Variants in TMEM178B observed in about 807,000 individuals in gnomAD.
TMEM178B encodes transmembrane protein 178B.
Under a neutral mutation model 31.0 loss-of-function variants are expected in TMEM178B, and 5 were observed. That is an observed-to-expected ratio of 0.16 (90% CI 0.08 to 0.34). TMEM178B has a LOEUF of 0.34. Ranked by LOEUF, TMEM178B falls within the 10% of genes least tolerant of loss-of-function variation. TMEM178B has a pLI of 1.00. For synonymous variants in TMEM178B, 164 were observed against 164.0 expected, an observed-to-expected ratio of 1.00 and a Z score of 0.00; for missense variants, 275 against 400.3, an observed-to-expected ratio of 0.69 and a Z score of 2.67.
At chr7:141,467,845 A>G (rs1293362169) in intron 3 of TMEM178B, among the ~76,000 whole-genome samples, 2 of 152,162 alleles carry the variant, frequency 1.3e-5, no homozygotes, top group Admixed American at 6.5e-5. Flanking sequence ...AAGTGAAATT[A>G]CTAGGACGAA....
the TMEM178B span, among the ~76,000 whole-genome samples, chr7:141,492,782 T>C: frequency 6.6e-6 from 1 of 152,122 alleles, no homozygotes; most frequent in African/African-American, 2.4e-5. Flanking sequence ...CAAACCCCAT[T>C]CCTGACTCCT....
chr7:141,474,261 T>TA lies in TMEM178B; in HGVS notation c.*3476dup, dbSNP rs1802315536. Reference sequence around the variant, plus strand: ...ATCTTTTTCTCCTTATTTTGGGAGTTACGGTTTCTTCTTCTGTTTCCGTTT... The same window carrying TA: ...ATCTTTTTCTCCTTATTTTGGGAGTTAACGGTTTCTTCTTCTGTTTCCGTTT... On this transcript the variant is annotated 3_prime_UTR_variant, in exon 4 of 4. Coordinates refer to ENST00000565468, the MANE Select transcript of TMEM178B (RefSeq NM_001195278.2). 6.6e-6 allele frequency: 1 copy of TA among 152,200 alleles called. No homozygotes were observed. 9.4% of individuals were successfully genotyped at this position (152,200 alleles called of 1,614,324 possible).
chr7:141,479,036 T>A lies in TMEM178B; in HGVS notation c.*8250T>A, dbSNP rs139861685. 6.6e-6 allele frequency: 1 copy of A among 152,386 alleles called. No homozygotes were observed. The highest frequency in any genetic ancestry group is 6.5e-5 in the Admixed American group (1 of 15,306). The allele number at this position is 152,386 out of a possible 1,614,324, so 9.4% of individuals were successfully genotyped here. Reference sequence around the variant, plus strand: ...CCACTCCTGTGGACTGCATGTCCCATCTGCCCCCAGAGGGTGTCGGCGCTG... The same window carrying A: ...CCACTCCTGTGGACTGCATGTCCCAACTGCCCCCAGAGGGTGTCGGCGCTG... On this transcript the variant is annotated 3_prime_UTR_variant, in exon 4 of 4. Transcript: ENST00000565468.
chr7:141,314,437 A>C (rs1162176282), intron 2 of TMEM178B, among the ~76,000 whole-genome samples: 2 of 152,214 alleles, frequency 1.3e-5, no homozygotes, highest in Non-Finnish European at 1.5e-5. Context: ...CATTGCAGTC[A>C]CTGCCATGTT....
chr7:141,433,255 T>C (rs890730259), intron 2 of TMEM178B, among the ~76,000 whole-genome samples: 1 of 152,202 alleles, frequency 6.6e-6, no homozygotes, highest in Non-Finnish European at 1.5e-5. Context: ...TCTAGATCCA[T>C]CTTAAATAAC....
At chr7:141,154,813 T>C (rs1352754781) in intron 1 of TMEM178B, among the ~76,000 whole-genome samples, 2 of 151,330 alleles carry the variant, frequency 1.3e-5, no homozygotes, top group African/African-American at 4.9e-5. Context: ...CACTGCAACC[T>C]CCACTCCCCA....
intron 2 of TMEM178B, among the ~76,000 whole-genome samples, chr7:141,309,920 A>C (rs554014670): frequency 1.1e-4 from 17 of 152,178 alleles, no homozygotes; most frequent in Non-Finnish European, 1.9e-4. Flanking sequence ...CTTACACCTT[A>C]TACAAAAATT....
chr7:141,340,634 A>G (rs1765438665), intron 2 of TMEM178B, among the ~76,000 whole-genome samples: 1 of 152,234 alleles, frequency 6.6e-6, no homozygotes, highest in African/African-American at 2.4e-5. Flanking sequence ...TCTTCATTTC[A>G]GGAAAATATC....
intron 2 of TMEM178B, among the ~76,000 whole-genome samples, chr7:141,326,326 A>C (rs575888419): frequency 6.6e-6 from 1 of 152,334 alleles, no homozygotes; most frequent in South Asian, 2.1e-4. Flanking sequence ...TTCATGGTTC[A>C]TTTCTGAGAA....
rs1802299644 is a variant in TMEM178B at position 141,473,748 on chromosome 7, T to C, written c.*2962T>C. The C allele has an allele frequency of 6.6e-6, 1 of 152,240 alleles. No homozygotes were observed. The highest frequency in any genetic ancestry group is 6.5e-5 in the Admixed American group (1 of 15,288). 9.4% of individuals were successfully genotyped at this position (152,240 alleles called of 1,614,324 possible). A position where few individuals can be genotyped will look rare whatever the true frequency, so the allele number is the denominator to read the frequency against. ...ACGAACACACTTTGGGATCTGATCC[T>C]GCTGGGAAGCAAAAGACGCCCAGCC... On this transcript the variant is annotated 3_prime_UTR_variant, in exon 4 of 4. Coordinates refer to ENST00000565468, the MANE Select transcript of TMEM178B (RefSeq NM_001195278.2).
In TMEM178B at chr7:141,175,055, G is replaced by T. The variant is rs1046658116; in HGVS notation, c.383-37536G>T. On this transcript the variant is annotated intron_variant, in intron 1 of 3. Transcript: ENST00000565468. ...TTTGCCCATGCCTATGTCCTGAATA[G>T]TATTGCCTAGGTTTTCTTCTAGGGT... is the stretch of plus-strand genomic sequence containing the variant. 8.5e-5 allele frequency among the ~76,000 whole-genome samples: 13 copies of T among 152,270 alleles called. 1 individual carries two copies. Among genetic ancestry groups the T allele is most frequent in the Admixed American group, 7.9e-4 (12 of 15,278 alleles).
At position 141,074,719 on chromosome 7, in the gene TMEM178B, C is replaced by T; in HGVS notation, c.382+27C>T. 6.9e-7 allele frequency: 1 copy of T among 1,450,646 alleles called. No individual in the cohort carries two copies. The highest frequency in any genetic ancestry group is 9.0e-7 in the Non-Finnish European group (1 of 1,107,146). The allele number at this position is 1,450,646 out of a possible 1,614,324, so 89.9% of individuals were successfully genotyped here. A position where few individuals can be genotyped will look rare whatever the true frequency, so the allele number is the denominator to read the frequency against. On this transcript the variant is annotated intron_variant, in intron 1 of 3. Coordinates refer to ENST00000565468, the MANE Select transcript of TMEM178B (RefSeq NM_001195278.2). The surrounding 1 kb of genome is among the most constrained non-coding windows in gnomAD (Gnocchi z 5.1). The stretch of plus-strand genomic sequence containing the variant: ...TAAGCGCCGGGCGCAAGGCGTGGCG[C>T]TGCGGAGAGCCCGGCGCCTTTAGGC...
At chr7:141,289,433 C>T (rs1442759451) in intron 2 of TMEM178B, among the ~76,000 whole-genome samples, 2 of 152,044 alleles carry the variant, frequency 1.3e-5, no homozygotes, top group Admixed American at 6.6e-5. Context: ...AAGGAGAATG[C>T]GGCTGGGTGT....
At chr7:141,286,214 A>G (rs959095908) in intron 2 of TMEM178B, among the ~76,000 whole-genome samples, 1 of 152,240 alleles carries the variant, frequency 6.6e-6, no homozygotes, top group African/African-American at 2.4e-5. Context: ...ATGACAGAAC[A>G]TATGCATTTT....
the TMEM178B span, among the ~76,000 whole-genome samples, chr7:141,491,786 A>G: frequency 2.0e-5 from 3 of 152,316 alleles, no homozygotes; most frequent in East Asian, 3.9e-4. Flanking sequence ...TCCCTACTAA[A>G]GAGAATAAAC....
chr7:141,429,153 A>G (rs921392338), intron 2 of TMEM178B, among the ~76,000 whole-genome samples: 1 of 152,220 alleles, frequency 6.6e-6, no homozygotes, highest in African/African-American at 2.4e-5. Context: ...CAATCCAGCA[A>G]TTCCACTACT....
At chr7:141,159,324 C>T (rs955417218) in intron 1 of TMEM178B, among the ~76,000 whole-genome samples, 1 of 152,208 alleles carries the variant, frequency 6.6e-6, no homozygotes, top group African/African-American at 2.4e-5. Context: ...CTGCTCAAAA[C>T]TGTCAAATGA....
chr7:141,437,625 G>T lies in TMEM178B; in HGVS notation c.514G>T (p.Ala172Ser), dbSNP rs1418395096. 1 of 1,536,010 alleles carries T rather than the reference G, an allele frequency of 6.5e-7. No individual in the cohort carries two copies. The highest frequency in any genetic ancestry group is 1.4e-5 in the African/African-American group (1 of 73,056). Reference sequence around the variant, plus strand: ...CCCCACAGACCTGCGCAGAATGACGGCTGGCTTCATGGGCATGGCGGTGGC... The same window carrying T: ...CCCCACAGACCTGCGCAGAATGACGTCTGGCTTCATGGGCATGGCGGTGGC... The part of the protein sequence containing the change: ...WHALHLRRMT[A>S]GFMGMAVAII... The change falls in exon 3 of 4, where the codon GCT becomes TCT. Residue 172 changes from alanine to serine, a missense_variant. Coordinates refer to ENST00000565468, the MANE Select transcript of TMEM178B (RefSeq NM_001195278.2).
intron 2 of TMEM178B, among the ~76,000 whole-genome samples, chr7:141,341,197 A>G (rs573091950): frequency 5.9e-5 from 9 of 152,286 alleles, no homozygotes; most frequent in African/African-American, 1.9e-4. Context: ...TGTTGTTTCT[A>G]TGGAAACTGG....
Sources: gnomAD v4.1 joint callset for allele counts (sites outside exome capture counted in the v4.1 genomes callset) on GRCh38, gnomAD v4.1.1 for gene constraint, Gnocchi (gnomAD v3.1) non-coding constraint, MANE v1.5 for transcripts, NCBI Gene and HGNC (gene_info 2026-07-23, HGNC 2026-07-21) for gene names.